Variants in UTRN observed in about 807,000 individuals in gnomAD.
UTRN encodes the protein utrophin.
A neutral mutation model predicts 463.9 loss-of-function variants in UTRN; 283 were observed. The ratio of observed to expected loss-of-function variants is 0.61; its 90% confidence interval spans 0.55 to 0.67. The LOEUF is 0.67. Ranked by LOEUF, UTRN falls within the 30% of genes least tolerant of loss-of-function variation. The pLI, the probability that UTRN is intolerant of heterozygous loss-of-function variation, is 0.00. For synonymous variants in UTRN, 1,442 were observed against 1,431.5 expected, an observed-to-expected ratio of 1.01 and a Z score of -0.17; for missense variants, 3,922 against 4,084.3, an observed-to-expected ratio of 0.96 and a Z score of 1.08.
chr6:144,484,439 T>C (rs1214676405), intron 27 of UTRN, among the ~76,000 whole-genome samples: 1 of 137,888 alleles, frequency 7.3e-6, no homozygotes, highest in Non-Finnish European at 1.6e-5. Flanking sequence ...AAACTTTTTT[T>C]TTTTTTTTTT....
chr6:144,471,104 GA>G lies in UTRN; in HGVS notation c.3067-2615del, dbSNP rs774735382. ...GGAGGGGGAGGGGGAGAGGGAGAGG[GA>G]GAGGGATCTGTTTCTTTTCTCTTTC... On this transcript the variant is annotated intron_variant, in intron 23 of 74. Coordinates refer to ENST00000367545, the MANE Select transcript of UTRN (RefSeq NM_007124.3). Among the ~76,000 whole-genome samples, 91 of 144,310 alleles carry G rather than the reference GA, an allele frequency of 6.3e-4. 5 individuals are homozygous for G. Among genetic ancestry groups the G allele is most frequent in the African/African-American group, 1.9e-3 (74 of 38,052 alleles). 94.7% of individuals were successfully genotyped at this position (144,310 alleles called of 152,430 possible). A position where few individuals can be genotyped will look rare whatever the true frequency, so the allele number is the denominator to read the frequency against.
At chr6:144,331,367 T>C (rs1776320649) in intron 2 of UTRN, among the ~76,000 whole-genome samples, 1 of 152,180 alleles carries the variant, frequency 6.6e-6, no homozygotes, top group Non-Finnish European at 1.5e-5. Flanking sequence ...TTGTTGAATA[T>C]GAATGGATTG....
At chr6:144,723,595 A>T (rs1202049675) in intron 53 of UTRN, among the ~76,000 whole-genome samples, 3 of 152,200 alleles carry the variant, frequency 2.0e-5, no homozygotes, top group Non-Finnish European at 4.4e-5. Context: ...TGTTAGAGGA[A>T]TAGGAAGTGC....
At chr6:144,590,452 TA>T (rs1055208968) in intron 51 of UTRN, among the ~76,000 whole-genome samples, 2 of 152,152 alleles carry the variant, frequency 1.3e-5, no homozygotes, top group Non-Finnish European at 2.9e-5. Flanking sequence ...TCATTATATT[TA>T]AAAGGACATA....
At chr6:144,608,081 A>G (rs756281952) in intron 51 of UTRN, among the ~76,000 whole-genome samples, 1 of 152,138 alleles carries the variant, frequency 6.6e-6, no homozygotes, top group Non-Finnish European at 1.5e-5. Flanking sequence ...TTTTTGTTCA[A>G]ACTAGATGTT....
At chr6:144,828,223 G>T (rs1031684238) in intron 68 of UTRN, among the ~76,000 whole-genome samples, 1 of 152,054 alleles carries the variant, frequency 6.6e-6, no homozygotes, top group Admixed American at 6.6e-5. Flanking sequence ...CTGGGTCTAG[G>T]CCAACTAGAA....
chr6:144,756,818 A>C (rs1034175038), intron 57 of UTRN, among the ~76,000 whole-genome samples: 2 of 152,126 alleles, frequency 1.3e-5, no homozygotes, highest in Non-Finnish European at 2.9e-5. Context: ...AATTGAGATC[A>C]CATCTGAGCT....
chr6:144,539,392 A>G lies in UTRN; in HGVS notation c.6468A>G (p.Glu2156=), dbSNP rs7741783. The stretch of plus-strand genomic sequence containing the variant: ...CAGATAAAAGTCTGAGTTTACCTGA[A>G]AGGGATAAAATTTCAGAAAGCTTAA... ...MLSDKSLSLP[E]RDKISESLRT... The change falls in exon 45 of 75, where the codon GAA becomes GAG. Residue 2156 remains glutamate, a synonymous_variant. Transcript: ENST00000367545. The G allele has an allele frequency of 3.7e-3, 6,036 of 1,613,316 alleles. 222 individuals are homozygous for G. In the African/African-American group the frequency reaches 0.071, roughly 19 times the overall value.
chr6:144,317,749 T>C (rs968306122), intron 2 of UTRN, among the ~76,000 whole-genome samples: 1 of 152,234 alleles, frequency 6.6e-6, no homozygotes, highest in Non-Finnish European at 1.5e-5. Context: ...GATTAGTACC[T>C]TCTCTTACCT....
intron 53 of UTRN, among the ~76,000 whole-genome samples, chr6:144,703,141 G>A (rs772407008): frequency 2.0e-5 from 3 of 152,166 alleles, no homozygotes; most frequent in Non-Finnish European, 2.9e-5. Context: ...AACAAAATTT[G>A]CTGATGGATT....
At chr6:144,296,248 A>G (rs1253655562) in intron 2 of UTRN, among the ~76,000 whole-genome samples, 1 of 152,220 alleles carries the variant, frequency 6.6e-6, no homozygotes, top group Non-Finnish European at 1.5e-5. Context: ...GCCTCCTGTC[A>G]GATCAGCGGC....
intron 16 of UTRN, among the ~76,000 whole-genome samples, 161 bp downstream of exon 16, chr6:144,447,942 T>C (rs1373948688): frequency 6.6e-6 from 1 of 152,248 alleles, no homozygotes; most frequent in African/African-American, 2.4e-5. Context: ...CTAAAGTAAG[T>C]TTTAATAGAT....
intron 39 of UTRN, among the ~76,000 whole-genome samples, chr6:144,519,690 T>G (rs1795917294): frequency 6.6e-6 from 1 of 152,220 alleles, no homozygotes; most frequent in Non-Finnish European, 1.5e-5. Context: ...ACGGCCTTGC[T>G]GCTTCTGCAA....
chr6:144,562,978 G>A (rs1800070349), intron 50 of UTRN, among the ~76,000 whole-genome samples: 1 of 152,054 alleles, frequency 6.6e-6, no homozygotes, highest in South Asian at 2.1e-4. Flanking sequence ...TTTTTCATAT[G>A]TTTGGTCACA....
At chr6:144,432,729 G>C (rs1458465040) in intron 9 of UTRN, among the ~76,000 whole-genome samples, 2 of 151,146 alleles carry the variant, frequency 1.3e-5, no homozygotes, top group African/African-American at 2.4e-5. Flanking sequence ...GGTGTTTCTC[G>C]CAGAGGGGGA....
At chr6:144,439,823 G>A (rs936799197) in intron 12 of UTRN, among the ~76,000 whole-genome samples, 5 of 152,106 alleles carry the variant, frequency 3.3e-5, no homozygotes, top group African/African-American at 1.2e-4. Context: ...CTATACACAT[G>A]TATCCAATGA....
chr6:144,645,655 A>G (rs76315170), intron 51 of UTRN, among the ~76,000 whole-genome samples: 9 of 152,232 alleles, frequency 5.9e-5, no homozygotes. Flanking sequence ...TCTGGAGAAG[A>G]CACCCTTAAA....
intron 61 of UTRN, among the ~76,000 whole-genome samples, chr6:144,787,041 G>A (rs1311672928): frequency 6.6e-6 from 1 of 152,160 alleles, no homozygotes; most frequent in Non-Finnish European, 1.5e-5. Context: ...TTCTTGTGTT[G>A]TGACAGTAAA....
In UTRN at chr6:144,313,772, G is replaced by A. The variant is rs184931253; in HGVS notation, c.79+21865G>A. Among the ~76,000 whole-genome samples the A allele has an allele frequency of 2.6e-3, 395 of 152,284 alleles. 11 individuals carry two copies. The South Asian group carries it at 0.04, about 15-fold the overall frequency. On this transcript the variant is annotated intron_variant, in intron 2 of 74. Coordinates refer to ENST00000367545, the MANE Select transcript of UTRN (RefSeq NM_007124.3). Reference sequence around the variant, plus strand: ...TTGGTCCTCTGATTTCTCTATTTCTGGGGGAGAGATGGGGATGGAAGAGGG... The same window carrying A: ...TTGGTCCTCTGATTTCTCTATTTCTAGGGGAGAGATGGGGATGGAAGAGGG...
Sources: allele counts gnomAD v4.1 joint callset (sites outside exome capture counted in the v4.1 genomes callset), GRCh38; gene constraint gnomAD v4.1.1; transcripts MANE v1.5; gene names NCBI Gene and HGNC (gene_info 2026-07-23, HGNC 2026-07-21).